LZTFL1: variants seen among roughly 807,000 people sequenced by gnomAD.
LZTFL1 encodes the protein leucine zipper transcription factor like 1, also known as leucine zipper transcription factor-like protein 1.
LZTFL1 carries 25 observed loss-of-function variants against 45.9 expected under a neutral mutation model. That is an observed-to-expected ratio of 0.54 (90% CI 0.40 to 0.76). The LOEUF (loss-of-function observed/expected upper bound fraction) is 0.76, where lower values mean the gene tolerates loss of function less well. Among genes scored for constraint, LZTFL1 ranks in the 30% least tolerant of loss-of-function variants. LZTFL1 has a pLI of 0.00. For synonymous variants in LZTFL1, 93 were observed against 117.4 expected (o/e 0.79, Z 1.35); for missense variants, 277 against 331.1 (o/e 0.84, Z 1.27).
chr3:45,881,850 C>G (rs763894090), intron 2 of LZTFL1, among the ~76,000 whole-genome samples: 26 of 152,226 alleles, frequency 1.7e-4, no homozygotes, highest in Non-Finnish European at 3.4e-4. Context: ...TGTGAGCTAT[C>G]TAAGGCTAGA....
In LZTFL1 at chr3:45,901,043, G is replaced by T. The variant is rs200760460; in HGVS notation, c.-215+12077C>A. 1 of 1,614,182 alleles carries T rather than the reference G, an allele frequency of 6.2e-7. No homozygotes were observed. The highest frequency in any genetic ancestry group is 1.1e-5 in the South Asian group (1 of 91,084). On this transcript the variant is annotated intron_variant, in intron 2 of 4. Coordinates refer to the LZTFL1 transcript ENST00000472635. The surrounding 1 kb of genome is among the most constrained non-coding windows in gnomAD (Gnocchi z 4.3). ...CAAGAGTGAAGACCATGACCGACAT[G>T]TTCCTTTTGAATTTGGCAATTGCTG...
intron 1 of LZTFL1, among the ~76,000 whole-genome samples, chr3:45,840,043 C>T (rs572878611): frequency 2.6e-5 from 4 of 152,282 alleles, no homozygotes; most frequent in African/African-American, 9.6e-5. Flanking sequence ...ATTGTAAACT[C>T]TATGAGGGCA....
intron 9 of LZTFL1, 136 bp from the exon 10 acceptor site, chr3:45,826,468 T>TC: frequency 1.4e-6 from 1 of 740,560 alleles, no homozygotes; most frequent in Non-Finnish European, 2.4e-6. Context: ...ACATTCAACT[T>TC]TGTTTTGATG....
At chr3:45,850,050 C>T (rs1701283556) in intron 4 of LZTFL1, among the ~76,000 whole-genome samples, 1 of 152,132 alleles carries the variant, frequency 6.6e-6, no homozygotes, top group African/African-American at 2.4e-5. Context: ...AGAGATTTTT[C>T]CATGTGCCCA....
At chr3:45,897,558 C>T in intron 2 of LZTFL1, 4 of 1,531,696 alleles carry the variant, frequency 2.6e-6, no homozygotes, top group Non-Finnish European at 3.5e-6. Flanking sequence ...TCTGCTCCTG[C>T]AGTCTCCTCC....
chr3:45,852,331 T>G (rs927072547), intron 4 of LZTFL1, among the ~76,000 whole-genome samples: 2 of 152,208 alleles, frequency 1.3e-5, no homozygotes, highest in African/African-American at 4.8e-5. Flanking sequence ...TTCTAAGAAT[T>G]TATTTAAGAA....
chr3:45,856,442 A>G (rs1043677218), intron 3 of LZTFL1, among the ~76,000 whole-genome samples: 12 of 152,204 alleles, frequency 7.9e-5, no homozygotes, highest in African/African-American at 2.7e-4. Flanking sequence ...CTAGCAGAAA[A>G]TCTAGGCAAT....
At position 45,901,416 on chromosome 3, in the gene LZTFL1, C is replaced by T. The variant is rs201414744; in HGVS notation, c.-215+11704G>A. 2.5e-6 allele frequency: 4 copies of T among 1,614,220 alleles called. No individual in the cohort carries two copies. Among genetic ancestry groups the T allele is most frequent in the East Asian group, 2.2e-5 (1 of 44,882 alleles). On this transcript the variant is annotated intron_variant, in intron 2 of 4. Transcript: ENST00000472635. This position sits in a 1 kb window ranked among gnomAD's most constrained non-coding sequence, Gnocchi z 4.3. The stretch of plus-strand genomic sequence containing the variant: ...TTACCCTAGCGATGAGAGCACCAAA[C>T]TGAAGTCAGCTGTCTTGACCCTGAA...
chr3:45,846,969 A>G (rs182057206), upstream of LZTFL1, among the ~76,000 whole-genome samples: 46 of 152,344 alleles, frequency 3.0e-4, no homozygotes, highest in Admixed American at 3.0e-3. Flanking sequence ...GTCATAAAAG[A>G]AGTCAAAATC....
intron 2 of LZTFL1, chr3:45,902,020 A>G (rs1702576571): frequency 1.2e-6 from 1 of 817,748 alleles, no homozygotes; most frequent in Non-Finnish European, 1.9e-6. Context: ...ATGAATCTGA[A>G]CTATATGATT....
chr3:45,907,826 G>A (rs1428568055), intron 2 of LZTFL1, among the ~76,000 whole-genome samples: 2 of 152,212 alleles, frequency 1.3e-5, no homozygotes, highest in African/African-American at 4.8e-5. Context: ...CACGGACTGT[G>A]CGTGTTCTTG....
At chr3:45,906,641 C>A (rs1702683421) in intron 2 of LZTFL1, among the ~76,000 whole-genome samples, 1 of 152,244 alleles carries the variant, frequency 6.6e-6, no homozygotes, top group Non-Finnish European at 1.5e-5. Flanking sequence ...TGAAGGTGTG[C>A]TGGCAAAGGA....
intron 4 of LZTFL1, 77 bp from the exon 5 acceptor site, chr3:45,833,198 C>A: frequency 1.0e-6 from 1 of 976,082 alleles, no homozygotes. Context: ...TTGCACTTTG[C>A]AAGTGGAAGA....
upstream of LZTFL1, among the ~76,000 whole-genome samples, chr3:45,846,440 A>G (rs1487074210): frequency 2.0e-5 from 3 of 152,206 alleles, no homozygotes; most frequent in African/African-American, 7.2e-5. Flanking sequence ...CTTGAACAAC[A>G]CAAGGGATAA....
At chr3:45,875,839 T>C (rs984262314) in intron 2 of LZTFL1, among the ~76,000 whole-genome samples, 3 of 152,232 alleles carry the variant, frequency 2.0e-5, no homozygotes, top group African/African-American at 7.2e-5. Flanking sequence ...TTTTTGGTTC[T>C]CTGGGTGAAG....
intron 2 of LZTFL1, among the ~76,000 whole-genome samples, chr3:45,867,260 A>G (rs559635105): frequency 6.6e-6 from 1 of 152,108 alleles, no homozygotes; most frequent in Non-Finnish European, 1.5e-5. Context: ...AAATGGGAGT[A>G]ATAATAATAT....
At chr3:45,888,044 A>G (rs1007989898) in intron 2 of LZTFL1, among the ~76,000 whole-genome samples, 3 of 152,238 alleles carry the variant, frequency 2.0e-5, no homozygotes, top group Admixed American at 2.0e-4. Flanking sequence ...CAATAACCCC[A>G]TGCTGATTTT....
chr3:45,850,357 G>A (rs763478825), intron 4 of LZTFL1, among the ~76,000 whole-genome samples: 3 of 152,142 alleles, frequency 2.0e-5, no homozygotes, highest in Non-Finnish European at 4.4e-5. Flanking sequence ...GTATGCAGAG[G>A]CTACCAGCCA....
chr3:45,893,940 T>A (rs530307963), intron 2 of LZTFL1, among the ~76,000 whole-genome samples: 1 of 152,178 alleles, frequency 6.6e-6, no homozygotes, highest in Non-Finnish European at 1.5e-5. Context: ...GGTGGGGTCA[T>A]GATGTTGTTA....
Sources: allele counts gnomAD v4.1 joint callset (sites outside exome capture counted in the v4.1 genomes callset), GRCh38; gene constraint gnomAD v4.1.1; non-coding constraint Gnocchi (gnomAD v3.1); transcripts MANE v1.5; gene names NCBI Gene and HGNC (gene_info 2026-07-23, HGNC 2026-07-21).